Variants in EPHB1 observed in about 807,000 individuals in gnomAD.
EPHB1 encodes the protein EPH receptor B1, also known as ephrin type-B receptor 1.
In EPHB1, 30 loss-of-function variants were observed where a neutral mutation model predicts 94.4. The observed-to-expected ratio is 0.32, with a 90% CI of 0.24 to 0.43. The LOEUF is 0.43. EPHB1 is among the 20% of genes least tolerant of loss of function. The probability of loss-of-function intolerance (pLI) is 1.00; values close to 1 mark genes in which losing one functional copy is unlikely to be tolerated. For synonymous variants in EPHB1, 522 were observed against 489.1 expected, an observed-to-expected ratio of 1.07 and a Z score of -0.89; for missense variants, 1,055 against 1,308.3, an observed-to-expected ratio of 0.81 and a Z score of 2.99.
Position 134,894,517 on chromosome 3 carries a change from G to C in EPHB1, c.59-31299G>C, listed in dbSNP as rs76879507. ...GCCCATTTCTTCTCTGAAAGCCTGT[G>C]TTCTCTGTATTGTCCTTCTCCCTGT... On this transcript the variant is annotated intron_variant, in intron 1 of 15. Coordinates refer to ENST00000398015, the MANE Select transcript of EPHB1 (RefSeq NM_004441.5). Among the ~76,000 whole-genome samples the C allele has an allele frequency of 6.0e-3, 910 of 152,324 alleles. 6 individuals are homozygous for C. Among genetic ancestry groups the C allele is most frequent in the South Asian group, 0.02 (98 of 4,828 alleles).
intron 2 of EPHB1, among the ~76,000 whole-genome samples, chr3:134,927,730 C>T (rs36179): frequency 0.59 from 89,250 of 152,082 alleles, 28,432 homozygotes; most frequent in African/African-American, 0.85. Flanking sequence ...CAAGGCATGC[C>T]CTTTAGAGAC....
intron 3 of EPHB1, among the ~76,000 whole-genome samples, chr3:135,012,505 C>G (rs1935653874): frequency 6.6e-6 from 1 of 152,150 alleles, no homozygotes; most frequent in African/African-American, 2.4e-5. Flanking sequence ...AGAAAAATAC[C>G]CTTCATTTAT....
At chr3:134,864,275 G>A (rs9851596) in intron 1 of EPHB1, among the ~76,000 whole-genome samples, 83,152 of 151,974 alleles carry the variant, frequency 0.55, 25,615 homozygotes, top group East Asian at 0.8. Context: ...CTAGTGTCAG[G>A]AGAAGGTTCC....
intron 1 of EPHB1, among the ~76,000 whole-genome samples, chr3:134,896,553 C>T (rs1163770534): frequency 6.6e-6 from 1 of 152,240 alleles, no homozygotes; most frequent in African/African-American, 2.4e-5. Context: ...TGACCTTTCT[C>T]TTTGTGGAGT....
At chr3:134,830,899 C>A in intron 1 of EPHB1, among the ~76,000 whole-genome samples, 1 of 152,130 alleles carries the variant, frequency 6.6e-6, no homozygotes, top group Non-Finnish European at 1.5e-5. Flanking sequence ...AGGGTAGAAG[C>A]CCTGGATGAT....
chr3:135,114,175 T>C (rs1044968282), intron 4 of EPHB1, among the ~76,000 whole-genome samples: 12 of 152,318 alleles, frequency 7.9e-5, no homozygotes, highest in African/African-American at 2.9e-4. Context: ...CACAGTGCAC[T>C]TTCACGTACA....
intron 3 of EPHB1, among the ~76,000 whole-genome samples, chr3:135,031,975 C>T (rs1445279880): frequency 1.3e-5 from 2 of 151,926 alleles, no homozygotes; most frequent in Non-Finnish European, 1.5e-5. Flanking sequence ...TTCAATTTTC[C>T]TTATTTTGTT....
chr3:135,222,036 A>G (rs573765126), intron 12 of EPHB1, among the ~76,000 whole-genome samples: 25 of 152,328 alleles, frequency 1.6e-4, no homozygotes, highest in African/African-American at 6.0e-4. Flanking sequence ...AATTTCACCA[A>G]TGTGATGCAA....
chr3:135,056,045 C>T (rs558827534), intron 3 of EPHB1, among the ~76,000 whole-genome samples: 1 of 152,344 alleles, frequency 6.6e-6, no homozygotes, highest in South Asian at 2.1e-4. Context: ...TGATGGCCCA[C>T]CTATCAGACC....
At chr3:135,009,903 A>T (rs1935560994) in intron 3 of EPHB1, among the ~76,000 whole-genome samples, 1 of 152,162 alleles carries the variant, frequency 6.6e-6, no homozygotes, top group Admixed American at 6.5e-5. Context: ...TTGCTTTTTA[A>T]ATCAAGTAAT....
At chr3:134,901,257 C>T (rs1281479968) in intron 1 of EPHB1, among the ~76,000 whole-genome samples, 1 of 152,076 alleles carries the variant, frequency 6.6e-6, no homozygotes, top group African/African-American at 2.4e-5. Context: ...AAAAGTTTTA[C>T]AGTTGGTTTA....
At chr3:134,947,446 T>C (rs1210995827) in intron 2 of EPHB1, among the ~76,000 whole-genome samples, 1 of 152,192 alleles carries the variant, frequency 6.6e-6, no homozygotes, top group Non-Finnish European at 1.5e-5. Context: ...GGGAAAGAAA[T>C]TAATGGGAAG....
intron 1 of EPHB1, among the ~76,000 whole-genome samples, chr3:134,910,151 G>T (rs1236572956): frequency 6.6e-6 from 1 of 152,192 alleles, no homozygotes; most frequent in Non-Finnish European, 1.5e-5. Flanking sequence ...TTGTGATGTG[G>T]AAGTTATCTA....
rs777463411 is a variant in EPHB1 at position 134,951,341 on chromosome 3, A to C, written c.124-30A>C. The C allele has an allele frequency of 3.3e-6, 5 of 1,508,318 alleles. No homozygotes were observed. Among genetic ancestry groups the C allele is most frequent in the Non-Finnish European group, 4.4e-6 (5 of 1,127,388 alleles). The allele number at this position is 1,508,318 out of a possible 1,614,324, so 93.4% of individuals were successfully genotyped here. A position where few individuals can be genotyped will look rare whatever the true frequency, so the allele number is the denominator to read the frequency against. On this transcript the variant is annotated intron_variant, in intron 2 of 15. Transcript: ENST00000398015. The surrounding 1 kb of genome is among the most constrained non-coding windows in gnomAD (Gnocchi z 4.5). ...CTCACTCTCTATTTTGTGTTTTTGC[A>C]TGTGTGTGCCTGTGGCCTGCTATGT...
Position 134,843,059 on chromosome 3 carries a change from T to C in EPHB1, c.58+47370T>C, listed in dbSNP as rs2036805408. Reference sequence around the variant, plus strand: ...TCATCTTGAATAACATTCTTTAGTATTTGTTTGTATTTTATGCAGATTTGC... The same window carrying C: ...TCATCTTGAATAACATTCTTTAGTACTTGTTTGTATTTTATGCAGATTTGC... On this transcript the variant is annotated intron_variant, in intron 1 of 15. Transcript: ENST00000398015. Among the ~76,000 whole-genome samples the C allele has an allele frequency of 4.6e-5, 7 of 152,238 alleles. No homozygotes were observed. In the South Asian group the frequency reaches 1.4e-3, roughly 32 times the overall value.
intron 12 of EPHB1, among the ~76,000 whole-genome samples, chr3:135,230,046 G>A (rs1943495707): frequency 6.6e-6 from 1 of 152,210 alleles, no homozygotes; most frequent in South Asian, 2.1e-4. Flanking sequence ...CTCTTAGGAT[G>A]AGCCTGGGGC....
intron 1 of EPHB1, among the ~76,000 whole-genome samples, chr3:134,868,699 A>G (rs1034660987): frequency 6.6e-6 from 1 of 152,256 alleles, no homozygotes; most frequent in Non-Finnish European, 1.5e-5. Context: ...GGAGATACAG[A>G]CAAGAAAACA....
In EPHB1 at chr3:135,248,270, T is replaced by C. The variant is rs768957302; in HGVS notation, c.2497-46T>C. The C allele has an allele frequency of 2.0e-6, 3 of 1,472,406 alleles. No individual in the cohort carries two copies. The Admixed American group carries it at 6.1e-5, about 30-fold the overall frequency. The allele number at this position is 1,472,406 out of a possible 1,614,324, so 91.2% of individuals were successfully genotyped here. A position where few individuals can be genotyped will look rare whatever the true frequency, so the allele number is the denominator to read the frequency against. Reference sequence around the variant, plus strand: ...AGGGGATAATTTGTGAGTGACTGGCTGGTGGCAGTCACTCAATCACACCTG... The same window carrying C: ...AGGGGATAATTTGTGAGTGACTGGCCGGTGGCAGTCACTCAATCACACCTG... On this transcript the variant is annotated intron_variant, in intron 13 of 15. Transcript: ENST00000398015.
At chr3:135,103,663 C>A (rs1386177878) in intron 3 of EPHB1, among the ~76,000 whole-genome samples, 1 of 152,198 alleles carries the variant, frequency 6.6e-6, no homozygotes, top group Admixed American at 6.5e-5. Flanking sequence ...CCAGTGTTCA[C>A]CAAGCTAGGA....
Sources: allele counts gnomAD v4.1 joint callset (sites outside exome capture counted in the v4.1 genomes callset), GRCh38; gene constraint gnomAD v4.1.1; non-coding constraint Gnocchi (gnomAD v3.1); transcripts MANE v1.5; gene names NCBI Gene and HGNC (gene_info 2026-07-23, HGNC 2026-07-21).